Variants in ST7 observed in about 807,000 individuals in gnomAD.
ST7 encodes the protein suppressor of tumorigenicity 7 protein.
ST7 carries 28 observed loss-of-function variants against 78.7 expected under a neutral mutation model. The observed-to-expected ratio is 0.36, with a 90% CI of 0.26 to 0.49. The LOEUF is 0.49. Ranked by LOEUF, ST7 falls within the 20% of genes least tolerant of loss-of-function variation. The pLI, the probability that ST7 is intolerant of heterozygous loss-of-function variation, is 0.99. For synonymous variants in ST7, 247 were observed against 249.6 expected (o/e 0.99, Z 0.10); for missense variants, 418 against 696.0 (o/e 0.60, Z 4.49).
At chr7:117,049,128 C>A (rs893823094) in intron 1 of ST7, among the ~76,000 whole-genome samples, 20 of 152,156 alleles carry the variant, frequency 1.3e-4, no homozygotes, top group African/African-American at 4.8e-4. Flanking sequence ...AGGGCTTGGG[C>A]ATCAGCAGCT....
At chr7:117,149,592 CTTT>C (rs59067333) in intron 9 of ST7, among the ~76,000 whole-genome samples, 8,716 of 83,634 alleles carry the variant, frequency 0.1, 414 homozygotes, top group African/African-American at 0.25. Context: ...CGTGTCCTAC[CTTT>C]TTTTTTTTTT....
intron 2 of ST7, among the ~76,000 whole-genome samples, chr7:117,108,434 T>C (rs1242440655): frequency 6.6e-6 from 1 of 152,236 alleles, no homozygotes; most frequent in Non-Finnish European, 1.5e-5. Flanking sequence ...TTCTTCATTC[T>C]GTTTCATAGG....
rs530006386 is a variant in ST7, at chr7:117,012,192, T to C, written c.151+58501T>C. The stretch of plus-strand genomic sequence containing the variant: ...TTTTTTCATATGTTGGAATTGATCA[T>C]AGAATATAGAAAGAATTTTTATGAA... On this transcript the variant is annotated intron_variant, in intron 1 of 15. Transcript: ENST00000323984. Among the ~76,000 whole-genome samples, 6 of 152,314 alleles carry C rather than the reference T, an allele frequency of 3.9e-5. No individual in the cohort carries two copies. In the East Asian group the frequency reaches 1.2e-3, roughly 29 times the overall value.
intron 1 of ST7, among the ~76,000 whole-genome samples, chr7:117,000,953 T>TTCC (rs1180823991): frequency 6.6e-6 from 1 of 152,268 alleles, no homozygotes; most frequent in African/African-American, 2.4e-5. Flanking sequence ...AGACATTCTC[T>TTCC]GAAGCTTCTG....
chr7:117,183,652 A>G (rs575796833), intron 10 of ST7, among the ~76,000 whole-genome samples: 1 of 152,142 alleles, frequency 6.6e-6, no homozygotes, highest in Non-Finnish European at 1.5e-5. Flanking sequence ...TGAACACAAT[A>G]TATTAGTTTT....
chr7:117,204,512 G>A (rs1254397642), intron 12 of ST7, among the ~76,000 whole-genome samples: 1 of 152,140 alleles, frequency 6.6e-6, no homozygotes, highest in Non-Finnish European at 1.5e-5. Context: ...AGGAATCCTG[G>A]TGATGTCTAC....
intron 1 of ST7, among the ~76,000 whole-genome samples, chr7:116,961,553 TAC>T (rs1393285464): frequency 1.6e-5 from 2 of 122,838 alleles, no homozygotes; most frequent in Admixed American, 9.4e-5. Context: ...GCTGTATTCC[TAC>T]GTGTGTGTGT....
At chr7:117,157,476 A>C (rs1326462187) in intron 9 of ST7, among the ~76,000 whole-genome samples, 2 of 151,918 alleles carry the variant, frequency 1.3e-5, no homozygotes, top group African/African-American at 4.8e-5. Context: ...CAGAGGTTGG[A>C]GTACCAACCT....
At chr7:116,998,165 C>T (rs879543082) in intron 1 of ST7, among the ~76,000 whole-genome samples, 5 of 152,332 alleles carry the variant, frequency 3.3e-5, no homozygotes, top group South Asian at 2.1e-4. Context: ...TGAGGCCCAG[C>T]GAGAATTCGA....
At position 116,958,789 on chromosome 7, in the gene ST7, T is replaced by C. The variant is rs186058556; in HGVS notation, c.151+5098T>C. 2.8e-4 allele frequency: 108 copies of C among 390,484 alleles called. 2 individuals are homozygous for C. The East Asian group carries it at 7.7e-3, about 28-fold the overall frequency. 24.2% of individuals were successfully genotyped at this position (390,484 alleles called of 1,614,324 possible). ...AGTAGCATTATATCTAAAAGACCAATGTATATACCTTAATTTAAAAATCCT... is the reference window on the plus strand; with the variant it reads ...AGTAGCATTATATCTAAAAGACCAACGTATATACCTTAATTTAAAAATCCT... On this transcript the variant is annotated intron_variant, in intron 1 of 15. Transcript: ENST00000323984.
intron 1 of ST7, among the ~76,000 whole-genome samples, chr7:117,030,996 C>T (rs897966763): frequency 6.6e-6 from 1 of 152,080 alleles, no homozygotes; most frequent in African/African-American, 2.4e-5. Context: ...CCATGGAATA[C>T]TATACAGCCA....
At chr7:117,214,408 G>T (rs1792527483) in intron 13 of ST7, among the ~76,000 whole-genome samples, 1 of 152,110 alleles carries the variant, frequency 6.6e-6, no homozygotes, top group African/African-American at 2.4e-5. Flanking sequence ...TGAAGCGTAG[G>T]ATGAGATTCT....
At chr7:117,198,585 T>C (rs1810525237) in intron 12 of ST7, 3 of 271,084 alleles carry the variant, frequency 1.1e-5, no homozygotes, top group Non-Finnish European at 2.2e-5. Context: ...TTCCGACCTG[T>C]GTCTTATATT....
At chr7:117,172,073 C>G (rs191064386) in intron 10 of ST7, among the ~76,000 whole-genome samples, 1 of 152,054 alleles carries the variant, frequency 6.6e-6, no homozygotes, top group African/African-American at 2.4e-5. Context: ...GCTTCAGCCT[C>G]CCAAGTGACT....
At chr7:116,956,842 A>G (rs1008382968) in intron 1 of ST7, 1 of 358,816 alleles carries the variant, frequency 2.8e-6, no homozygotes, top group South Asian at 2.2e-5. Flanking sequence ...GGAGTTTACT[A>G]CAAGAATACA....
chr7:117,098,434 C>G (rs1464080283), intron 1 of ST7, among the ~76,000 whole-genome samples: 1 of 152,088 alleles, frequency 6.6e-6, no homozygotes, highest in Non-Finnish European at 1.5e-5. Flanking sequence ...TGCCACCCAG[C>G]CTGGGATGCA....
chr7:117,057,944 G>A (rs935562136), intron 1 of ST7, among the ~76,000 whole-genome samples: 1 of 152,132 alleles, frequency 6.6e-6, no homozygotes, highest in African/African-American at 2.4e-5. Flanking sequence ...ATGTTTTGCA[G>A]AACCTCAGTT....
intron 12 of ST7, among the ~76,000 whole-genome samples, chr7:117,200,505 G>C (rs1042807710): frequency 2.6e-5 from 4 of 152,170 alleles, no homozygotes; most frequent in Non-Finnish European, 4.4e-5. Context: ...ATGGGGGATA[G>C]CTTTCATCTT....
intron 1 of ST7, among the ~76,000 whole-genome samples, chr7:117,087,636 A>G (rs11762072): frequency 0.046 from 6,986 of 152,310 alleles, 233 homozygotes; most frequent in Non-Finnish European, 0.068. Context: ...ACACTTAATG[A>G]TAAATGCTCT....
Sources: allele counts gnomAD v4.1 joint callset (sites outside exome capture counted in the v4.1 genomes callset), GRCh38; gene constraint gnomAD v4.1.1; transcripts MANE v1.5; gene names NCBI Gene and HGNC (gene_info 2026-07-23, HGNC 2026-07-21).